DTL: variants seen among roughly 807,000 people sequenced by gnomAD.
DTL encodes denticleless E3 ubiquitin protein ligase adapter.
A neutral mutation model predicts 87.0 loss-of-function variants in DTL; 46 were observed. The ratio of observed to expected loss-of-function variants is 0.53; its 90% CI spans 0.42 to 0.68. DTL has a LOEUF of 0.68. Ranked by LOEUF, DTL falls within the 30% of genes least tolerant of loss-of-function variation. DTL has a pLI of 0.00. For missense variants in DTL, 737 were observed against 869.4 expected (o/e 0.85, Z 1.91); for synonymous variants, 308 against 311.2 (o/e 0.99, Z 0.11).
intron 1 of DTL, among the ~76,000 whole-genome samples, chr1:212,038,214 G>A (rs191945233): frequency 3.1e-3 from 479 of 152,254 alleles, no homozygotes; most frequent in Non-Finnish European, 5.0e-3. Context: ...AACTCCACAC[G>A]GCCAATGGCC....
intron 11 of DTL, among the ~76,000 whole-genome samples, chr1:212,073,944 T>C (rs917269669): frequency 1.3e-5 from 2 of 152,086 alleles, no homozygotes; most frequent in African/African-American, 4.8e-5. Flanking sequence ...CTTTCTTCTT[T>C]GCTCACTGTC....
At chr1:212,063,013 A>G in intron 6 of DTL, 64 bp downstream of exon 6, 1 of 1,274,156 alleles carries the variant, frequency 7.8e-7, no homozygotes, top group African/African-American at 1.5e-5. Context: ...TTTGAGTGAA[A>G]GAGTTAGTGA....
At chr1:212,039,767 GGTAA>G (rs1419841281) in intron 1 of DTL, among the ~76,000 whole-genome samples, 2 of 152,028 alleles carry the variant, frequency 1.3e-5, no homozygotes, top group African/African-American at 4.8e-5. Context: ...GTAACACAAT[GGTAA>G]GTATTTGTGT....
At chr1:212,096,623 A>G (rs773134178) in intron 13 of DTL, among the ~76,000 whole-genome samples, 4 of 152,012 alleles carry the variant, frequency 2.6e-5, no homozygotes, top group Non-Finnish European at 5.9e-5. Flanking sequence ...CTTGATTTTG[A>G]TTTCATTATT....
intron 10 of DTL, among the ~76,000 whole-genome samples, chr1:212,071,032 T>C (rs116110540): frequency 0.011 from 1,679 of 152,318 alleles, 33 homozygotes; most frequent in African/African-American, 0.038. Context: ...CTTGTTTATT[T>C]TGCAGTGATA....
At chr1:212,069,301 C>A (rs1654600114) in intron 10 of DTL, among the ~76,000 whole-genome samples, 1 of 152,062 alleles carries the variant, frequency 6.6e-6, no homozygotes, top group African/African-American at 2.4e-5. Flanking sequence ...TTCCAAATCA[C>A]CAGCCTCAGG....
chr1:212,087,289 C>T (rs1655157127), intron 13 of DTL, among the ~76,000 whole-genome samples: 1 of 152,184 alleles, frequency 6.6e-6, no homozygotes, highest in Admixed American at 6.5e-5. Context: ...GTGGCTCACG[C>T]CTGTAATCCC....
At chr1:212,088,287 A>G (rs1655187131) in intron 13 of DTL, among the ~76,000 whole-genome samples, 1 of 152,224 alleles carries the variant, frequency 6.6e-6, no homozygotes, top group African/African-American at 2.4e-5. Flanking sequence ...GGATAATTAT[A>G]GAGTCAATTT....
chr1:212,046,912 G>A (rs777205733), intron 3 of DTL, among the ~76,000 whole-genome samples: 1 of 152,200 alleles, frequency 6.6e-6, no homozygotes, highest in Non-Finnish European at 1.5e-5. Flanking sequence ...CACCAACAGT[G>A]TAAAACTGTT....
At chr1:212,091,670 G>A (rs1456246353) in intron 13 of DTL, among the ~76,000 whole-genome samples, 1 of 152,184 alleles carries the variant, frequency 6.6e-6, no homozygotes, top group African/African-American at 2.4e-5. Flanking sequence ...CATTATGCTA[G>A]GAGAAATAAG....
chr1:212,084,222 GAC>G (rs1231524185), intron 13 of DTL, among the ~76,000 whole-genome samples: 1 of 142,440 alleles, frequency 7.0e-6, no homozygotes, highest in Non-Finnish European at 1.5e-5. Context: ...TTTTTTTTGA[GAC>G]AAAGTCTCAC....
rs1356932014 is a variant in DTL, at chr1:212,103,576, C to T, written c.*636C>T. On this transcript the variant is annotated 3_prime_UTR_variant, in exon 15 of 15. Coordinates refer to ENST00000366991, the MANE Select transcript of DTL (RefSeq NM_016448.4). Reference sequence around the variant, plus strand: ...AATGCAGTGATAAATGTCAACTCTTCGGAGAAACTAGGAGAACAACAACAG... The same window carrying T: ...AATGCAGTGATAAATGTCAACTCTTTGGAGAAACTAGGAGAACAACAACAG... 3 of 152,138 alleles carry T rather than the reference C, an allele frequency of 2.0e-5. No homozygotes were observed. The highest frequency in any genetic ancestry group is 4.4e-5 in the Non-Finnish European group (3 of 68,038). 9.4% of individuals were successfully genotyped at this position (152,138 alleles called of 1,614,324 possible). A position where few individuals can be genotyped will look rare whatever the true frequency, so the allele number is the denominator to read the frequency against.
At chr1:212,060,258 A>G (rs1668302889) in intron 5 of DTL, among the ~76,000 whole-genome samples, 2 of 152,180 alleles carry the variant, frequency 1.3e-5, no homozygotes, top group African/African-American at 4.8e-5. Flanking sequence ...TAACTAAAAC[A>G]GCATGGCATA....
intron 5 of DTL, among the ~76,000 whole-genome samples, chr1:212,057,664 G>A (rs564869283): frequency 6.6e-6 from 1 of 152,136 alleles, no homozygotes; most frequent in East Asian, 1.9e-4. Flanking sequence ...AAGTACCAGA[G>A]AAAGGAAGGA....
At chr1:212,055,675 A>G (rs945106759) in intron 5 of DTL, among the ~76,000 whole-genome samples, 2 of 151,900 alleles carry the variant, frequency 1.3e-5, no homozygotes, top group African/African-American at 4.8e-5. Flanking sequence ...AAGCAACCCC[A>G]CTCTGCATGT....
chr1:212,087,521 G>T (rs1009397666), intron 13 of DTL, among the ~76,000 whole-genome samples: 2 of 151,686 alleles, frequency 1.3e-5, no homozygotes, highest in African/African-American at 2.4e-5. Context: ...CTGCACTCCA[G>T]CCTGAGCGAC....
At chr1:212,041,213 G>A (rs1027779647) in intron 1 of DTL, among the ~76,000 whole-genome samples, 2 of 152,082 alleles carry the variant, frequency 1.3e-5, no homozygotes, top group South Asian at 4.1e-4. Context: ...TAGAGGGGTA[G>A]GCAAGGACCA....
chr1:212,044,342 C>T (rs756424616), intron 2 of DTL, among the ~76,000 whole-genome samples: 4 of 152,084 alleles, frequency 2.6e-5, no homozygotes, highest in Non-Finnish European at 5.9e-5. Flanking sequence ...TGGTGGCTCA[C>T]GCCTGTAATC....
At chr1:212,048,886 CT>C (rs1199564263) in intron 5 of DTL, among the ~76,000 whole-genome samples, 1 of 143,406 alleles carries the variant, frequency 7.0e-6, no homozygotes, top group Non-Finnish European at 1.5e-5. Flanking sequence ...GGAGGTTAAG[CT>C]GGTTTGGACT....
Sources: allele counts gnomAD v4.1 joint callset (sites outside exome capture counted in the v4.1 genomes callset), GRCh38; gene constraint gnomAD v4.1.1; transcripts MANE v1.5; gene names NCBI Gene and HGNC (gene_info 2026-07-23, HGNC 2026-07-21).